EPHB1: variants seen among roughly 807,000 people sequenced by gnomAD.
The protein encoded by EPHB1 is EPH receptor B1.
Under a neutral mutation model 94.4 loss-of-function variants are expected in EPHB1, and 30 were observed. The observed-to-expected ratio is 0.32, with a 90% confidence interval of 0.24 to 0.43. EPHB1 has a LOEUF of 0.43. Ranked by LOEUF, EPHB1 falls within the 20% of genes least tolerant of loss-of-function variation. The probability of loss-of-function intolerance (pLI) is 1.00; values close to 1 mark genes in which losing one functional copy is unlikely to be tolerated. For missense variants in EPHB1, 1,055 were observed against 1,308.3 expected (o/e 0.81, Z 2.99); for synonymous variants, 522 against 489.1 (o/e 1.07, Z -0.89).
At chr3:135,063,800 C>T (rs1242852084) in intron 3 of EPHB1, among the ~76,000 whole-genome samples, 2 of 152,116 alleles carry the variant, frequency 1.3e-5, no homozygotes, top group South Asian at 2.1e-4. Context: ...AATTTTTCCC[C>T]ATTCACTATT....
rs368683804 is a variant in EPHB1, at chr3:135,259,084, G to A, written c.2919G>A (p.Arg973=). 1.2e-4 allele frequency: 192 copies of A among 1,610,304 alleles called. No homozygotes were observed. Among genetic ancestry groups the A allele is most frequent in the Non-Finnish European group, 1.6e-4 (188 of 1,178,534 alleles). ...KKILNSIHSM[R]VQISQSPTAM... ...TCCTGAACAGCATTCATTCTATGAG[G>A]GTCCAGATAAGTCAGTCACCAACGG... The change falls in exon 16 of 16, where the codon AGG becomes AGA. Residue 973 remains arginine (R), a synonymous_variant. Coordinates refer to ENST00000398015, the MANE Select transcript of EPHB1 (RefSeq NM_004441.5).
chr3:135,036,522 A>T (rs1448493634), intron 3 of EPHB1, among the ~76,000 whole-genome samples: 1 of 152,114 alleles, frequency 6.6e-6, no homozygotes, highest in African/African-American at 2.4e-5. Flanking sequence ...AGAGATGGGT[A>T]CCTGCAGGCT....
chr3:134,813,848 C>T (rs936293296), intron 1 of EPHB1, among the ~76,000 whole-genome samples: 1 of 152,224 alleles, frequency 6.6e-6, no homozygotes, highest in East Asian at 1.9e-4. Context: ...GATGCAAAGG[C>T]TGCAGTGGTA....
At chr3:134,832,692 A>C (rs1257543647) in intron 1 of EPHB1, among the ~76,000 whole-genome samples, 1 of 152,260 alleles carries the variant, frequency 6.6e-6, no homozygotes, top group Non-Finnish European at 1.5e-5. Context: ...ACATATGGAC[A>C]ATGAAGTTGA....
At chr3:135,089,217 T>C (rs936235983) in intron 3 of EPHB1, among the ~76,000 whole-genome samples, 2 of 152,238 alleles carry the variant, frequency 1.3e-5, no homozygotes, top group African/African-American at 4.8e-5. Context: ...CTATCAAGTC[T>C]CTGGAGTCAG....
intron 12 of EPHB1, among the ~76,000 whole-genome samples, chr3:135,227,305 T>C (rs918858530): frequency 6.6e-6 from 1 of 152,116 alleles, no homozygotes; most frequent in African/African-American, 2.4e-5. Flanking sequence ...CATTAAAAAA[T>C]AAAAATGTGT....
intron 5 of EPHB1, among the ~76,000 whole-genome samples, chr3:135,135,130 G>A (rs1338406526): frequency 6.6e-6 from 1 of 152,040 alleles, no homozygotes; most frequent in Non-Finnish European, 1.5e-5. Flanking sequence ...CGATTTTGTA[G>A]TCCTAGCCTC....
Position 135,220,594 on chromosome 3 carries a change from CT to C in EPHB1, c.2346+18922del, listed in dbSNP as rs78078993. Among the ~76,000 whole-genome samples the C allele has an allele frequency of 5.6e-3, 750 of 133,864 alleles. 1 individual carries two copies. The highest frequency in any genetic ancestry group is 9.0e-3 in the East Asian group (42 of 4,642). The allele number at this position is 133,864 out of a possible 152,430, so 87.8% of individuals were successfully genotyped here. A position where few individuals can be genotyped will look rare whatever the true frequency, so the allele number is the denominator to read the frequency against. On this transcript the variant is annotated intron_variant, in intron 12 of 15. Transcript: ENST00000398015. ...GCCAGCTCTTTCCTTTGTTGGAGGC[CT>C]TTTTTTTTTTTTTTTTCCTGGTCAG... is the stretch of plus-strand genomic sequence containing the variant.
intron 5 of EPHB1, 129 bp from the exon 6 acceptor site, chr3:135,154,023 C>CA (rs1296246188): frequency 8.7e-5 from 112 of 1,292,936 alleles, no homozygotes; most frequent in Non-Finnish European, 1.1e-4. Context: ...AGGTCCAGCT[C>CA]AGCTGATGAT....
rs149068386 is a variant in EPHB1, at chr3:135,258,035, G to A, written c.2847-977G>A. On this transcript the variant is annotated intron_variant, in intron 15 of 15. Coordinates refer to ENST00000398015, the MANE Select transcript of EPHB1 (RefSeq NM_004441.5). Reference sequence around the variant, plus strand: ...GAAAGGGAACTCCCTGACCCCTTGCGCTTCCCAAGTGAGGCAATGCCTCAC... The same window carrying A: ...GAAAGGGAACTCCCTGACCCCTTGCACTTCCCAAGTGAGGCAATGCCTCAC... Among the ~76,000 whole-genome samples the A allele has an allele frequency of 3.9e-3, 597 of 152,234 alleles. 16 individuals are homozygous for A. In the East Asian group the frequency reaches 0.072, roughly 18 times the overall value.
intron 1 of EPHB1, among the ~76,000 whole-genome samples, chr3:134,920,277 G>A (rs1310995245): frequency 2.0e-5 from 3 of 152,282 alleles, no homozygotes; most frequent in South Asian, 2.1e-4. Context: ...GATCCTCTGC[G>A]GAGGTAGAGG....
At chr3:135,239,210 G>C (rs1943721773) in intron 12 of EPHB1, among the ~76,000 whole-genome samples, 2 of 152,176 alleles carry the variant, frequency 1.3e-5, no homozygotes, top group South Asian at 4.1e-4. Context: ...TGCCTGGGGA[G>C]GTCCAGCCTG....
chr3:135,052,164 G>A (rs1365324828), intron 3 of EPHB1, among the ~76,000 whole-genome samples: 1 of 152,176 alleles, frequency 6.6e-6, no homozygotes, highest in Non-Finnish European at 1.5e-5. Flanking sequence ...TTTAGCCTTG[G>A]TCAGAGCAGA....
intron 12 of EPHB1, among the ~76,000 whole-genome samples, chr3:135,230,882 C>T (rs766348706): frequency 3.3e-5 from 5 of 152,240 alleles, no homozygotes; most frequent in Non-Finnish European, 5.9e-5. Flanking sequence ...ATTCATGTTA[C>T]CACAAAGGAC....
At chr3:134,863,845 C>T (rs1171547393) in intron 1 of EPHB1, among the ~76,000 whole-genome samples, 5 of 152,146 alleles carry the variant, frequency 3.3e-5, no homozygotes, top group Non-Finnish European at 7.4e-5. Context: ...CTTCCTATGC[C>T]GTAGACTGCT....
chr3:134,832,103 G>T (rs180742895), intron 1 of EPHB1, among the ~76,000 whole-genome samples: 55 of 152,294 alleles, frequency 3.6e-4, no homozygotes, highest in African/African-American at 1.3e-3. Flanking sequence ...ACAAAATATT[G>T]TGTGGGACAC....
intron 3 of EPHB1, among the ~76,000 whole-genome samples, chr3:134,972,468 ATATT>A (rs1307811618): frequency 1.4e-5 from 2 of 145,122 alleles, no homozygotes; most frequent in African/African-American, 5.0e-5. Flanking sequence ...TATCTAATAT[ATATT>A]AAATATATAC....
At chr3:135,010,656 C>G (rs1935590558) in intron 3 of EPHB1, among the ~76,000 whole-genome samples, 1 of 150,592 alleles carries the variant, frequency 6.6e-6, no homozygotes, top group African/African-American at 2.5e-5. Context: ...CTCTGACTCC[C>G]AGGTTCAAGC....
intron 2 of EPHB1, among the ~76,000 whole-genome samples, chr3:134,933,327 C>T (rs1019744322): frequency 6.6e-6 from 1 of 152,122 alleles, no homozygotes; most frequent in East Asian, 1.9e-4. Context: ...CTGGGTCCCC[C>T]AGTAAAAGCC....
Sources: gnomAD v4.1 joint callset for allele counts (sites outside exome capture counted in the v4.1 genomes callset) on GRCh38, gnomAD v4.1.1 for gene constraint, MANE v1.5 for transcripts, NCBI Gene and HGNC (gene_info 2026-07-23, HGNC 2026-07-21) for gene names.